The following CCSER1 variants were observed in gnomAD, a reference collection of about 807,000 sequenced individuals.
CCSER1 encodes serine-rich coiled-coil domain-containing protein 1.
In CCSER1, 41 loss-of-function variants were observed where a neutral mutation model predicts 82.0. The ratio of observed to expected loss-of-function variants is 0.50; its 90% CI spans 0.39 to 0.65. The LOEUF is 0.65. Ranked by LOEUF, CCSER1 falls within the 30% of genes least tolerant of loss-of-function variation. The pLI, the probability that CCSER1 is intolerant of heterozygous loss-of-function variation, is 0.00. For missense variants in CCSER1, 1,119 were observed against 1,064.2 expected (o/e 1.05, Z -0.72); for synonymous variants, 414 against 383.9 (o/e 1.08, Z -0.92).
intron 10 of CCSER1, among the ~76,000 whole-genome samples, chr4:91,459,578 A>G (rs895122404): frequency 2.0e-5 from 3 of 152,154 alleles, no homozygotes; most frequent in African/African-American, 7.2e-5. Context: ...ATGAATATTT[A>G]GAGATTTAGA....
intron 1 of CCSER1, among the ~76,000 whole-genome samples, chr4:90,248,115 A>T (rs72877727): frequency 1.3e-5 from 2 of 152,110 alleles, no homozygotes; most frequent in African/African-American, 4.8e-5. Context: ...TTAGATTTAT[A>T]GGTTTCAAAG....
intron 9 of CCSER1, among the ~76,000 whole-genome samples, chr4:91,083,149 T>G (rs190173922): frequency 7.9e-5 from 12 of 152,256 alleles, no homozygotes; most frequent in African/African-American, 2.4e-4. Flanking sequence ...TAGCAAAGAC[T>G]TGGAACCAAC....
At chr4:91,557,561 A>G (rs1245119147) in intron 10 of CCSER1, among the ~76,000 whole-genome samples, 1 of 151,520 alleles carries the variant, frequency 6.6e-6, no homozygotes, top group African/African-American at 2.4e-5. Context: ...GAACAGAGTA[A>G]TATTGGAGTA....
intron 1 of CCSER1, among the ~76,000 whole-genome samples, chr4:90,297,907 T>G (rs1447377721): frequency 4.6e-5 from 7 of 152,152 alleles, no homozygotes; most frequent in South Asian, 2.1e-4. Flanking sequence ...AGTATTTTAT[T>G]GAGGATTTTT....
intron 9 of CCSER1, among the ~76,000 whole-genome samples, chr4:90,929,751 T>C (rs1729496649): frequency 6.6e-6 from 1 of 152,214 alleles, no homozygotes; most frequent in Non-Finnish European, 1.5e-5. Context: ...GAATGAGTTG[T>C]TGCTGGTCCA....
At chr4:90,454,965 T>G (rs1761985638) in intron 4 of CCSER1, among the ~76,000 whole-genome samples, 1 of 152,152 alleles carries the variant, frequency 6.6e-6, no homozygotes, top group South Asian at 2.1e-4. Flanking sequence ...GGAACAAACT[T>G]AGAGAGAACC....
At chr4:90,487,065 C>T (rs951550873) in intron 5 of CCSER1, among the ~76,000 whole-genome samples, 8 of 152,168 alleles carry the variant, frequency 5.3e-5, no homozygotes, top group Non-Finnish European at 4.4e-5. Context: ...GGGCCCACCA[C>T]CATGCCCAGC....
chr4:90,503,051 G>C (rs1004689601), intron 5 of CCSER1, among the ~76,000 whole-genome samples: 4 of 152,018 alleles, frequency 2.6e-5, no homozygotes, highest in Admixed American at 6.6e-5. Context: ...TGTACATGGA[G>C]GGAAAAAGAA....
chr4:90,974,391 C>G (rs993535955), intron 9 of CCSER1, among the ~76,000 whole-genome samples: 1 of 150,032 alleles, frequency 6.7e-6, no homozygotes, highest in Non-Finnish European at 1.5e-5. Context: ...ACATTATAAA[C>G]TAAAATTATG....
At chr4:91,196,944 G>T (rs1735488004) in intron 10 of CCSER1, among the ~76,000 whole-genome samples, 1 of 152,132 alleles carries the variant, frequency 6.6e-6, no homozygotes, top group South Asian at 2.1e-4. Flanking sequence ...GCCTATATTG[G>T]TCAGGGAGCT....
intron 10 of CCSER1, among the ~76,000 whole-genome samples, chr4:91,330,745 C>T (rs1035889800): frequency 2.6e-5 from 4 of 152,178 alleles, no homozygotes; most frequent in African/African-American, 9.7e-5. Context: ...AAGTATCCTT[C>T]CCAATCAGTG....
At chr4:91,259,437 C>A (rs1581858017) in intron 10 of CCSER1, among the ~76,000 whole-genome samples, 2 of 151,780 alleles carry the variant, frequency 1.3e-5, no homozygotes, top group African/African-American at 2.4e-5. Flanking sequence ...ATGAACAAGA[C>A]CTTGGTAGTC....
At chr4:91,565,499 A>G (rs1762846526) in intron 10 of CCSER1, among the ~76,000 whole-genome samples, 1 of 152,108 alleles carries the variant, frequency 6.6e-6, no homozygotes, top group Non-Finnish European at 1.5e-5. Flanking sequence ...CAGAAAAGCC[A>G]TTTTAAAGAT....
chr4:91,087,627 G>C (rs1002123184), intron 10 of CCSER1, among the ~76,000 whole-genome samples: 1 of 151,998 alleles, frequency 6.6e-6, no homozygotes, highest in Non-Finnish European at 1.5e-5. Flanking sequence ...CTCCATAGAA[G>C]GGACAACACT....
intron 9 of CCSER1, among the ~76,000 whole-genome samples, chr4:90,933,349 G>A (rs1339450211): frequency 1.3e-5 from 2 of 151,444 alleles, no homozygotes; most frequent in African/African-American, 2.4e-5. Flanking sequence ...CACCACGCCC[G>A]GCTAATTTTT....
At position 91,178,759 on chromosome 4, in the gene CCSER1, T is replaced by C. The variant is rs187074279; in HGVS notation, c.2217+92765T>C. On this transcript the variant is annotated intron_variant, in intron 10 of 10. Coordinates refer to ENST00000509176, the MANE Select transcript of CCSER1 (RefSeq NM_001145065.2). ...CACTGATGGGTCTTGACTCTTTATC[T>C]AATTTGCCAGTCTGTTTCTTTTAAT... Among the ~76,000 whole-genome samples, 545 of 152,302 alleles carry C rather than the reference T, an allele frequency of 3.6e-3. 1 individual carries two copies. Among genetic ancestry groups the C allele is most frequent in the Non-Finnish European group, 5.4e-3 (364 of 68,014 alleles).
At chr4:91,457,178 T>C (rs1327343760) in intron 10 of CCSER1, among the ~76,000 whole-genome samples, 1 of 152,164 alleles carries the variant, frequency 6.6e-6, no homozygotes, top group East Asian at 1.9e-4. Flanking sequence ...TCAACTGATA[T>C]TCATATTATT....
intron 10 of CCSER1, among the ~76,000 whole-genome samples, chr4:91,161,186 C>T (rs1253366926): frequency 1.3e-5 from 2 of 152,086 alleles, no homozygotes; most frequent in African/African-American, 4.8e-5. Flanking sequence ...TTCTTTTTGT[C>T]AGATTTGTCA....
At chr4:91,411,522 A>ATATATATATATG (rs1753046676) in intron 10 of CCSER1, among the ~76,000 whole-genome samples, 1 of 124,642 alleles carries the variant, frequency 8.0e-6, no homozygotes, top group African/African-American at 3.2e-5. Context: ...ATATATATAT[A>ATATATATATATG]TATAAAATCT....
Sources: allele counts gnomAD v4.1 joint callset (sites outside exome capture counted in the v4.1 genomes callset), GRCh38; gene constraint gnomAD v4.1.1; transcripts MANE v1.5; gene names NCBI Gene and HGNC (gene_info 2026-07-23, HGNC 2026-07-21).